Variants in TRPC5 observed in about 807,000 individuals in gnomAD.
TRPC5 encodes transient receptor potential cation channel subfamily C member 5.
A neutral mutation model predicts 56.5 loss-of-function variants in TRPC5; 9 were observed. That is an observed-to-expected ratio of 0.16 (90% CI 0.10 to 0.28). The LOEUF (loss-of-function observed/expected upper bound fraction) is 0.28, where lower values mean the gene tolerates loss of function less well. Among genes scored for constraint, TRPC5 ranks in the 10% least tolerant of loss-of-function variants. The pLI is 1.00. For synonymous variants in TRPC5, 282 were observed against 278.5 expected (o/e 1.01, Z -0.13); for missense variants, 469 against 748.9 (o/e 0.63, Z 4.36).
chrX:111,817,228 A>T (rs1040185269), intron 7 of TRPC5, among the ~76,000 whole-genome samples: 16 of 111,295 alleles, frequency 1.4e-4, no homozygotes, highest in African/African-American at 5.2e-4. Context: ...TATCAGTGGG[A>T]AAGGGACACT....
At chrX:111,850,542 C>T (rs770016526) in intron 5 of TRPC5, among the ~76,000 whole-genome samples, 3 of 111,492 alleles carry the variant, frequency 2.7e-5, no homozygotes, top group Non-Finnish European at 3.8e-5. Flanking sequence ...GATGGGTAGA[C>T]CTGATTATCC....
At chrX:111,920,848 A>G in intron 2 of TRPC5, among the ~76,000 whole-genome samples, 1 of 111,766 alleles carries the variant, frequency 8.9e-6, no homozygotes, top group Non-Finnish European at 1.9e-5. Context: ...TTCTGCTACT[A>G]CTGGTGGCTC....
intron 5 of TRPC5, among the ~76,000 whole-genome samples, chrX:111,851,341 T>C (rs1923076381): frequency 8.9e-6 from 1 of 111,813 alleles, no homozygotes; most frequent in African/African-American, 3.2e-5. Context: ...ATTGTCAGCC[T>C]TTTCTCATGG....
At chrX:111,994,607 G>A (rs1036434996) in intron 1 of TRPC5, among the ~76,000 whole-genome samples, 6 of 111,454 alleles carry the variant, frequency 5.4e-5, no homozygotes, top group Non-Finnish European at 1.1e-4. Flanking sequence ...TCTCCTTGAA[G>A]AGGTCCTTCA....
intron 1 of TRPC5, among the ~76,000 whole-genome samples, chrX:112,015,884 CT>C (rs1446293424): frequency 9.0e-6 from 1 of 111,636 alleles, no homozygotes; most frequent in Non-Finnish European, 1.9e-5. Flanking sequence ...GATTCAGTGT[CT>C]GTAGAGCTTG....
intron 1 of TRPC5, among the ~76,000 whole-genome samples, chrX:111,969,323 G>A (rs897596403): frequency 1.8e-5 from 2 of 112,228 alleles, no homozygotes; most frequent in Non-Finnish European, 3.8e-5. Context: ...TGCATTGGGA[G>A]ATGAAAATAT....
chrX:111,994,278 C>A (rs955243630), intron 1 of TRPC5, among the ~76,000 whole-genome samples: 50 of 111,503 alleles, frequency 4.5e-4, no homozygotes, highest in African/African-American at 1.5e-3. Context: ...GTTTTGGTAC[C>A]ATTACCATGC....
chrX:111,864,209 C>T (rs984936793), intron 3 of TRPC5, among the ~76,000 whole-genome samples: 3 of 110,931 alleles, frequency 2.7e-5, no homozygotes, highest in Non-Finnish European at 5.7e-5. Flanking sequence ...AGGATGGTCT[C>T]GATCTCCTGA....
chrX:111,975,281 A>C (rs1231328842), intron 1 of TRPC5, among the ~76,000 whole-genome samples: 1 of 109,239 alleles, frequency 9.2e-6, no homozygotes, highest in African/African-American at 3.4e-5. Context: ...GTATACAATA[A>C]AGAACACAAA....
intron 1 of TRPC5, among the ~76,000 whole-genome samples, chrX:111,990,015 G>A (rs1371353004): frequency 1.3e-4 from 15 of 112,161 alleles, no homozygotes; most frequent in Admixed American, 1.0e-3. Flanking sequence ...GTTCTATTCC[G>A]AATTAAAAAT....
chrX:111,923,315 A>G (rs1337840920), intron 2 of TRPC5, among the ~76,000 whole-genome samples: 4 of 112,073 alleles, frequency 3.6e-5, no homozygotes, highest in Non-Finnish European at 7.5e-5. Context: ...ATTACATAAC[A>G]TTGTTTAACG....
chrX:111,898,391 C>T (rs1294000821), intron 3 of TRPC5, among the ~76,000 whole-genome samples: 1 of 108,807 alleles, frequency 9.2e-6, no homozygotes, highest in African/African-American at 3.3e-5. Context: ...CTCTCAGTCT[C>T]TGGGTTGCCT....
intron 6 of TRPC5, among the ~76,000 whole-genome samples, chrX:111,837,906 CAAA>C (rs757607444): frequency 7.0e-5 from 3 of 42,649 alleles, no homozygotes; most frequent in Admixed American, 3.2e-4. Context: ...GCCCCGTTAT[CAAA>C]AAAAAAAAAA....
intron 1 of TRPC5, among the ~76,000 whole-genome samples, chrX:111,964,792 C>T (rs770097011): frequency 1.8e-5 from 2 of 111,177 alleles, no homozygotes; most frequent in Admixed American, 9.5e-5. Flanking sequence ...TTTGTCACCA[C>T]CAGGCCTGCC....
chrX:112,013,498 C>A (rs2148663592), intron 1 of TRPC5, among the ~76,000 whole-genome samples: 1 of 111,394 alleles, frequency 9.0e-6, no homozygotes, highest in East Asian at 2.8e-4. Flanking sequence ...CTATAGAGAT[C>A]ATGTAATCAG....
chrX:112,078,712 CT>C (rs954495366), intron 1 of TRPC5, among the ~76,000 whole-genome samples: 5 of 112,087 alleles, frequency 4.5e-5, no homozygotes, highest in Admixed American at 9.4e-5. Flanking sequence ...TTCTTAGCCC[CT>C]ATCAGCTTTT....
At chrX:112,080,790 C>T (rs1244066650) in intron 1 of TRPC5, among the ~76,000 whole-genome samples, 4 of 111,298 alleles carry the variant, frequency 3.6e-5, no homozygotes, top group African/African-American at 1.3e-4. Flanking sequence ...CCTATGACAC[C>T]AACAATAGAC....
At chrX:111,923,482 A>G (rs1300783428) in intron 2 of TRPC5, among the ~76,000 whole-genome samples, 1 of 112,225 alleles carries the variant, frequency 8.9e-6, no homozygotes, top group Non-Finnish European at 1.9e-5. Flanking sequence ...TAAAACCTGG[A>G]AAGGCATTTT....
At chrX:111,831,772 A>G (rs1922414559) in intron 7 of TRPC5, among the ~76,000 whole-genome samples, 1 of 111,764 alleles carries the variant, frequency 8.9e-6, no homozygotes, top group Non-Finnish European at 1.9e-5. Flanking sequence ...TATGAGCACT[A>G]TGTTTTGGGA....
Sources: gnomAD v4.1 joint callset for allele counts (sites outside exome capture counted in the v4.1 genomes callset) on GRCh38, gnomAD v4.1.1 for gene constraint, MANE v1.5 for transcripts, NCBI Gene and HGNC (gene_info 2026-07-23, HGNC 2026-07-21) for gene names.